Variants in KIAA0319 observed in about 807,000 individuals in gnomAD.
The protein encoded by KIAA0319 is dyslexia-associated protein KIAA0319.
In KIAA0319, 83 loss-of-function variants were observed where a neutral mutation model predicts 108.4. That is an observed-to-expected ratio of 0.77 (90% confidence interval 0.64 to 0.92). The LOEUF (loss-of-function observed/expected upper bound fraction) is 0.92. Ranked by LOEUF, KIAA0319 falls within the 40% of genes least tolerant of loss-of-function variation. The pLI, the probability that KIAA0319 is intolerant of heterozygous loss-of-function variation, is 0.00. For synonymous variants in KIAA0319, 484 were observed against 510.4 expected, an observed-to-expected ratio of 0.95 and a Z score of 0.70; for missense variants, 1,195 against 1,322.4, an observed-to-expected ratio of 0.90 and a Z score of 1.49.
chr6:24,616,048 A>G, intron 1 of KIAA0319, among the ~76,000 whole-genome samples: 1 of 152,230 alleles, frequency 6.6e-6, no homozygotes, highest in Admixed American at 6.5e-5. Flanking sequence ...CCAATAAGAC[A>G]ATTGTCAAAG....
In KIAA0319 at chr6:24,582,311, G is replaced by A. The variant is rs1315272357; in HGVS notation, c.1129C>T (p.His377Tyr). 1.2e-6 allele frequency: 2 copies of A among 1,611,516 alleles called. No individual in the cohort carries two copies. The highest frequency in any genetic ancestry group is 1.7e-6 in the Non-Finnish European group (2 of 1,177,958). Reference protein sequence around the residue: ...TYNYEWNLISHPTDYQGEIKQ... With the variant: ...TYNYEWNLISYPTDYQGEIKQ... ...ATTTCACCTTGGTAGTCTGTGGGGT[G>A]GCTTATTAAATTCCATTCATAGTTG... The change falls in exon 6 of 21, where the codon CAC becomes TAC. Residue 377 changes from histidine (H) to tyrosine (Y), a missense_variant. His to Tyr is a moderately conservative substitution (Grantham distance 83). Coordinates refer to ENST00000378214, the MANE Select transcript of KIAA0319 (RefSeq NM_014809.4).
intron 9 of KIAA0319, among the ~76,000 whole-genome samples, chr6:24,576,830 T>G (rs1582023348): frequency 6.7e-6 from 1 of 149,828 alleles, no homozygotes. Flanking sequence ...GAGGCTGAGG[T>G]GGGAGGATCA....
chr6:24,571,279 C>T (rs1450301738), intron 11 of KIAA0319, among the ~76,000 whole-genome samples: 1 of 150,902 alleles, frequency 6.6e-6, no homozygotes, highest in Non-Finnish European at 1.5e-5. Context: ...TAGTGGCTTA[C>T]ACCTGTAATC....
Position 24,612,326 on chromosome 6 carries a change from C to T in KIAA0319, c.-105-11118G>A, listed in dbSNP as rs145421410. On this transcript the variant is annotated intron_variant, in intron 1 of 20. Coordinates refer to ENST00000378214, the MANE Select transcript of KIAA0319 (RefSeq NM_014809.4). ...AATTAGCCAAGCATAGTGGCACCAC[C>T]TGTAATGCCAGCTACTCGGGAGGCT... Among the ~76,000 whole-genome samples, 572 of 152,222 alleles carry T rather than the reference C, an allele frequency of 3.8e-3. 2 individuals are homozygous for T. Among genetic ancestry groups the T allele is most frequent in the African/African-American group, 0.012 (487 of 41,538 alleles).
chr6:24,564,482 G>A (rs1400862095), intron 14 of KIAA0319, 142 bp from the exon 15 acceptor site: 10 of 1,038,546 alleles, frequency 9.6e-6, no homozygotes, highest in South Asian at 6.4e-5. Flanking sequence ...TGAGGCTGGC[G>A]GGATAGCTAA....
downstream of KIAA0319, among the ~76,000 whole-genome samples, chr6:24,543,064 A>G (rs1310098270): frequency 6.6e-6 from 1 of 152,240 alleles, no homozygotes; most frequent in Non-Finnish European, 1.5e-5. Flanking sequence ...ACAGAAGACC[A>G]TAACTCTGTG....
chr6:24,593,406 T>G (rs1034093668), intron 3 of KIAA0319, among the ~76,000 whole-genome samples: 1,485 of 147,002 alleles, frequency 0.01, 11 homozygotes, highest in African/African-American at 0.036. Context: ...TTTTTTTTTT[T>G]TTTTGAGATA....
chr6:24,541,695 G>A (rs947934794), downstream of KIAA0319, among the ~76,000 whole-genome samples: 1 of 152,190 alleles, frequency 6.6e-6, no homozygotes, highest in African/African-American at 2.4e-5. Flanking sequence ...CTACCTGGGA[G>A]GCTGAGGCAG....
intron 1 of KIAA0319, among the ~76,000 whole-genome samples, chr6:24,602,019 T>G (rs984531782): frequency 5.3e-5 from 8 of 151,896 alleles, no homozygotes; most frequent in Non-Finnish European, 1.0e-4. Flanking sequence ...CTACTGTATT[T>G]CTTTTTTTTT....
At chr6:24,563,610 C>T (rs991458424) in intron 15 of KIAA0319, 92 bp from the exon 16 acceptor site, 7 of 1,172,214 alleles carry the variant, frequency 6.0e-6, no homozygotes, top group African/African-American at 4.6e-5. Flanking sequence ...CTCAAAGTTA[C>T]TCCTATGCCA....
rs2127495915 is a variant in KIAA0319, at chr6:24,586,116, C to G, written c.995-2414G>C. ...ACAAACAAAAAAAAACAAGCTGTAC[C>G]CTGACCACCTTGGATACATGTCATC... On this transcript the variant is annotated intron_variant, in intron 4 of 20. Transcript: ENST00000378214. Among the ~76,000 whole-genome samples, 5 of 152,232 alleles carry G rather than the reference C, an allele frequency of 3.3e-5. No individual in the cohort carries two copies. The Middle Eastern group carries it at 0.017, about 518-fold the overall frequency.
chr6:24,556,584 G>T (rs1762311674), intron 18 of KIAA0319, 23 bp downstream of exon 18: 1 of 1,609,550 alleles, frequency 6.2e-7, no homozygotes, highest in South Asian at 1.1e-5. Context: ...CTCACCCAAA[G>T]CCTCCTCTAT....
chr6:24,577,988 C>T (rs1470073179), intron 9 of KIAA0319, 122 bp downstream of exon 9: 4 of 958,180 alleles, frequency 4.2e-6, no homozygotes, highest in Non-Finnish European at 6.0e-6. Flanking sequence ...CAACCAAAAC[C>T]CCCATGAAAG....
chr6:24,577,641 T>G (rs183724107), intron 9 of KIAA0319, among the ~76,000 whole-genome samples: 28 of 152,252 alleles, frequency 1.8e-4, no homozygotes, highest in Admixed American at 1.6e-3. Flanking sequence ...GGAAAAGACA[T>G]GTAGGGGGCA....
intron 2 of KIAA0319, among the ~76,000 whole-genome samples, chr6:24,600,032 CA>C (rs35713930): frequency 0.36 from 53,602 of 147,726 alleles, 10,318 homozygotes; most frequent in East Asian, 0.57. Context: ...GCCAACTGCC[CA>C]AAAAAAAAAA....
In KIAA0319 at chr6:24,581,479, C is replaced by T. The variant is rs554901904; in HGVS notation, c.1192-466G>A. Among the ~76,000 whole-genome samples the T allele has an allele frequency of 1.7e-4, 26 of 152,146 alleles. 1 individual carries two copies. Among genetic ancestry groups the T allele is most frequent in the African/African-American group, 6.3e-4 (26 of 41,508 alleles). On this transcript the variant is annotated intron_variant, in intron 6 of 20. Transcript: ENST00000378214. ...TCTGGTAGGAGACTAGATCTCTAGTCGCTAAGTCGGTTTATATATCCTCCT... is the reference window on the plus strand; with the variant it reads ...TCTGGTAGGAGACTAGATCTCTAGTTGCTAAGTCGGTTTATATATCCTCCT...
chr6:24,643,313 C>A (rs1777199719), intron 1 of KIAA0319, among the ~76,000 whole-genome samples: 1 of 151,980 alleles, frequency 6.6e-6, no homozygotes, highest in Non-Finnish European at 1.5e-5. Context: ...TTTTTAAAGA[C>A]AAATAGAAAA....
intron 1 of KIAA0319, among the ~76,000 whole-genome samples, chr6:24,615,833 A>G (rs921851242): frequency 6.6e-6 from 1 of 152,116 alleles, no homozygotes; most frequent in African/African-American, 2.4e-5. Flanking sequence ...GTCACCTCCT[A>G]CCATGCTGCA....
intron 20 of KIAA0319, 112 bp downstream of exon 20, chr6:24,551,322 A>G: frequency 1.3e-6 from 1 of 749,112 alleles, no homozygotes; most frequent in Admixed American, 2.2e-5. Context: ...TTCCTTCCCA[A>G]TTAAAGTGCT....
Sources: gnomAD v4.1 joint callset for allele counts (sites outside exome capture counted in the v4.1 genomes callset) on GRCh38, gnomAD v4.1.1 for gene constraint, MANE v1.5 for transcripts, NCBI Gene and HGNC (gene_info 2026-07-23, HGNC 2026-07-21) for gene names.